Variants in CEP85 observed in about 807,000 individuals in gnomAD.
The protein encoded by CEP85 is centrosomal protein 85.
Under a neutral mutation model 93.7 loss-of-function variants are expected in CEP85, and 58 were observed. The observed-to-expected ratio is 0.62, with a 90% CI of 0.50 to 0.77. CEP85 has a LOEUF of 0.77. CEP85 is among the 30% of genes least tolerant of loss of function. The pLI is 0.00. For synonymous variants in CEP85, 314 were observed against 338.6 expected, an observed-to-expected ratio of 0.93 and a Z score of 0.80; for missense variants, 868 against 922.0, an observed-to-expected ratio of 0.94 and a Z score of 0.76.
rs146660703 is a variant in CEP85, at chr1:26,269,603, C to T, written c.1638C>T (p.Ser546=). The part of the protein sequence containing the change: ...SLRQREAEFS[S]AGHSLQDKQS... ...GGCAGAGAGAAGCAGAATTCTCCTC[C>T]GCTGGACATAGGTAAATAACCCTGT... Residue 546 remains serine (S), a synonymous_variant, in exon 9 of 14, where the codon TCC becomes TCT. Transcript: ENST00000451429. The T allele has an allele frequency of 3.8e-5, 62 of 1,613,220 alleles. No individual in the cohort carries two copies. Among genetic ancestry groups the T allele is most frequent in the Middle Eastern group, 1.7e-4 (1 of 6,054 alleles).
intron 7 of CEP85, among the ~76,000 whole-genome samples, 184 bp from the exon 8 acceptor site, chr1:26,268,296 AAAC>A (rs1266908022): frequency 6.6e-6 from 1 of 152,188 alleles, no homozygotes; most frequent in African/African-American, 2.4e-5. Context: ...TGTCTCTACA[AAAC>A]ATAGAAAAAT....
intron 3 of CEP85, among the ~76,000 whole-genome samples, chr1:26,250,941 T>TTTTTTTTTTTTTTC (rs2089601996): frequency 9.0e-6 from 1 of 111,096 alleles, no homozygotes; most frequent in Non-Finnish European, 1.8e-5. Context: ...TCTTTTTTTT[T>TTTTTTTTTTTTTTC]TTTTTTTTTT....
intron 7 of CEP85, among the ~76,000 whole-genome samples, chr1:26,267,357 G>T (rs1440051915): frequency 6.6e-6 from 1 of 151,064 alleles, no homozygotes; most frequent in Non-Finnish European, 1.5e-5. Context: ...TGAAGTCAGG[G>T]GTTCGAGACC....
intron 3 of CEP85, among the ~76,000 whole-genome samples, chr1:26,254,023 C>T (rs976039578): frequency 3.3e-5 from 5 of 151,826 alleles, no homozygotes; most frequent in African/African-American, 2.4e-5. Flanking sequence ...ATGAGAAGGT[C>T]GTAGCTGATC....
intron 7 of CEP85, among the ~76,000 whole-genome samples, chr1:26,261,336 G>A (rs1439937319): frequency 2.0e-5 from 3 of 151,806 alleles, no homozygotes; most frequent in Admixed American, 2.0e-4. Flanking sequence ...GCTGGGCGTG[G>A]TGGCACATGC....
At chr1:26,276,832 C>G (rs923597394) in intron 13 of CEP85, 72 bp downstream of exon 13, 11 of 1,205,150 alleles carry the variant, frequency 9.1e-6, no homozygotes, top group African/African-American at 1.5e-5. Context: ...ATCCTGCTTT[C>G]CCATATTCTT....
chr1:26,267,721 G>A (rs1279444276), intron 7 of CEP85, among the ~76,000 whole-genome samples: 1 of 152,206 alleles, frequency 6.6e-6, no homozygotes, highest in Admixed American at 6.5e-5. Context: ...GCTCCAGTGA[G>A]CTGCTGTGTC....
At chr1:26,256,925 T>G (rs1468334948) in intron 4 of CEP85, among the ~76,000 whole-genome samples, 3 of 22,042 alleles carry the variant, frequency 1.4e-4, no homozygotes, top group Non-Finnish European at 3.8e-4. Context: ...TTTGTTTTGT[T>G]TTGGTGTGTG....
intron 3 of CEP85, among the ~76,000 whole-genome samples, chr1:26,252,414 C>A (rs1316352227): frequency 2.0e-5 from 3 of 151,846 alleles, no homozygotes; most frequent in African/African-American, 7.3e-5. Context: ...TGCCTTTAAT[C>A]CCAGCTACTT....
chr1:26,264,113 G>A (rs1254033547), intron 7 of CEP85, among the ~76,000 whole-genome samples: 2 of 152,166 alleles, frequency 1.3e-5, no homozygotes, highest in African/African-American at 2.4e-5. Flanking sequence ...AGTATTGATT[G>A]TAATTGTTTT....
At chr1:26,241,243 A>ATTTTTTTTTTTTTTTTTT (rs1433524136) in intron 2 of CEP85, among the ~76,000 whole-genome samples, 3 of 61,810 alleles carry the variant, frequency 4.9e-5, no homozygotes, top group African/African-American at 1.2e-4. Flanking sequence ...CATTCAGCAG[A>ATTTTTTTTTTTTTTTTTT]ATTTTTTTTT....
chr1:26,276,491 C>A, intron 12 of CEP85, 44 bp from the exon 13 acceptor site: 1 of 1,475,704 alleles, frequency 6.8e-7, no homozygotes, highest in South Asian at 1.1e-5. Flanking sequence ...TACTCTTCCT[C>A]TCCCTGGGCC....
At chr1:26,251,000 G>T (rs1250741699) in intron 3 of CEP85, among the ~76,000 whole-genome samples, 1 of 138,980 alleles carries the variant, frequency 7.2e-6, no homozygotes, top group Non-Finnish European at 1.5e-5. Context: ...GGAGTGCAGT[G>T]GTGGGATCTT....
At position 26,278,747 on chromosome 1, in the gene CEP85, TTTG is replaced by T. The variant is rs2090089316; in HGVS notation, c.*1457_*1459del. The T allele has an allele frequency of 6.6e-6, 1 of 152,646 alleles. No homozygotes were observed. Among genetic ancestry groups the T allele is most frequent in the African/African-American group, 2.4e-5 (1 of 41,462 alleles). The allele number at this position is 152,646 out of a possible 1,614,324, so 9.5% of individuals were successfully genotyped here. On this transcript the variant is annotated 3_prime_UTR_variant, in exon 14 of 14. Transcript: ENST00000451429. ...TTATAACCAGTTATTTATATGAATC[TTTG>T]TTATGTCCATTTGTTTGTATTGCGT... is the stretch of plus-strand genomic sequence containing the variant.
At chr1:26,242,495 CTG>C (rs914462108) in intron 2 of CEP85, among the ~76,000 whole-genome samples, 2 of 152,164 alleles carry the variant, frequency 1.3e-5, no homozygotes, top group Admixed American at 1.3e-4. Flanking sequence ...CAGGCAGTCA[CTG>C]TGATCCAAAG....
In CEP85 at chr1:26,269,395, G is replaced by A. The variant is rs1028020899; in HGVS notation, c.1495-65G>A. 12 of 1,514,100 alleles carry A rather than the reference G, an allele frequency of 7.9e-6. No individual in the cohort carries two copies. The South Asian group carries it at 1.3e-4, about 16-fold the overall frequency. 93.8% of individuals were successfully genotyped at this position (1,514,100 alleles called of 1,614,324 possible). On this transcript the variant is annotated intron_variant, in intron 8 of 13. Transcript: ENST00000451429. ...AGTGCTATTTCTTTGTGACACCGAG[G>A]AACAAGCATTTTGCATTTATAACAC...
intron 7 of CEP85, among the ~76,000 whole-genome samples, chr1:26,264,684 T>G (rs1414619928): frequency 6.6e-6 from 1 of 152,154 alleles, no homozygotes; most frequent in African/African-American, 2.4e-5. Context: ...CTTCTCTCAC[T>G]CTCTCTAGGG....
chr1:26,244,169 C>T lies in CEP85; in HGVS notation c.59C>T (p.Ser20Phe). 3.1e-6 allele frequency: 5 copies of T among 1,612,892 alleles called. No homozygotes were observed. The highest frequency in any genetic ancestry group is 4.2e-6 in the Non-Finnish European group (5 of 1,179,638). The change falls in exon 3 of 14, where the codon TCC becomes TTC. Residue 20 changes from serine to phenylalanine, a missense_variant. Transcript: ENST00000451429. ...TGGGAAATGCCTCTTGTTTCAGGTT[C>T]CGATGTGATTCAGAAGGGCAGTTCC... ...EGISHVTSPS[S>F]DVIQKGSSLG...
rs1202398176 is a variant in CEP85, at chr1:26,258,160, C to G, written c.1055C>G (p.Ser352Cys). ...LLIDKQRKHI[S>C]QLEQKVRESE... ...TTGTGCAGGCAGAGGAAACACATCT[C>G]TCAGCTGGAGCAGAAAGTGCGAGAG... is the stretch of plus-strand genomic sequence containing the variant. Residue 352 changes from serine to cysteine, a missense_variant, in exon 6 of 14, where the codon TCT becomes TGT. Physicochemically the swap from Ser to Cys is moderately radical, Grantham distance 112. Transcript: ENST00000451429. The G allele has an allele frequency of 6.2e-7, 1 of 1,613,938 alleles. No homozygotes were observed. Among genetic ancestry groups the G allele is most frequent in the African/African-American group, 1.3e-5 (1 of 74,926 alleles).
Sources: gnomAD v4.1 joint callset for allele counts (sites outside exome capture counted in the v4.1 genomes callset) on GRCh38, gnomAD v4.1.1 for gene constraint, MANE v1.5 for transcripts, NCBI Gene and HGNC (gene_info 2026-07-23, HGNC 2026-07-21) for gene names.